PTPRD: variants seen among roughly 807,000 people sequenced by gnomAD.
PTPRD encodes the protein protein tyrosine phosphatase receptor type D, also known as receptor-type tyrosine-protein phosphatase delta.
Under a neutral mutation model 214.5 loss-of-function variants are expected in PTPRD, and 34 were observed. That is an observed-to-expected ratio of 0.16 (90% CI 0.12 to 0.21). PTPRD has a LOEUF of 0.21. Among genes scored for constraint, PTPRD ranks in the 10% least tolerant of loss-of-function variants. The pLI is 1.00. For missense variants in PTPRD, 2,545 were observed against 2,398.7 expected (o/e 1.06, Z -1.27); for synonymous variants, 1,128 against 845.7 (o/e 1.33, Z -5.79).
rs1960301004 is a variant in PTPRD at position 9,313,369 on chromosome 9, T to C, written c.-203+84080A>G. ...AAACTTTATTAGTTTGTGGTACAATTGTACCTGAAAAACAGATAATTATCT... is the reference window on the plus strand; with the variant it reads ...AAACTTTATTAGTTTGTGGTACAATCGTACCTGAAAAACAGATAATTATCT... On this transcript the variant is annotated intron_variant, in intron 9 of 45. Coordinates refer to ENST00000381196, the MANE Select transcript of PTPRD (RefSeq NM_002839.4). Among the ~76,000 whole-genome samples the C allele has an allele frequency of 3.3e-5, 5 of 152,156 alleles. No individual in the cohort carries two copies. In the South Asian group the frequency reaches 1.0e-3, roughly 32 times the overall value.
chr9:9,350,991 T>C (rs2050879053), intron 9 of PTPRD, among the ~76,000 whole-genome samples: 2 of 152,056 alleles, frequency 1.3e-5, no homozygotes, highest in Non-Finnish European at 2.9e-5. Flanking sequence ...CATTTTAGAT[T>C]GCTAAAGAAT....
At chr9:8,870,578 C>G (rs1055144263) in intron 11 of PTPRD, among the ~76,000 whole-genome samples, 4 of 152,062 alleles carry the variant, frequency 2.6e-5, no homozygotes, top group Non-Finnish European at 5.9e-5. Flanking sequence ...TCCAACTATT[C>G]TGGTTACAGT....
intron 10 of PTPRD, among the ~76,000 whole-genome samples, chr9:9,134,994 G>T (rs1368992499): frequency 2.0e-5 from 3 of 152,112 alleles, no homozygotes; most frequent in Non-Finnish European, 4.4e-5. Context: ...CCCTTTCTGT[G>T]CAATGACACA....
At chr9:9,364,802 G>C (rs1257909626) in intron 9 of PTPRD, among the ~76,000 whole-genome samples, 1 of 151,442 alleles carries the variant, frequency 6.6e-6, no homozygotes, top group African/African-American at 2.4e-5. Context: ...GGAGTGATGT[G>C]ACCTGACTTC....
At chr9:10,475,433 A>AGG (rs1166788184) in intron 2 of PTPRD, among the ~76,000 whole-genome samples, 1 of 150,844 alleles carries the variant, frequency 6.6e-6, no homozygotes, top group Non-Finnish European at 1.5e-5. Context: ...AAGACTAAAC[A>AGG]AAGAAGTCGA....
chr9:8,611,286 T>A (rs2095435927), intron 14 of PTPRD, among the ~76,000 whole-genome samples: 1 of 152,304 alleles, frequency 6.6e-6, no homozygotes, highest in East Asian at 1.9e-4. Flanking sequence ...TTTTTAACTA[T>A]CACAAATATT....
At chr9:9,956,593 T>C (rs558805140) in intron 4 of PTPRD, among the ~76,000 whole-genome samples, 6 of 152,266 alleles carry the variant, frequency 3.9e-5, no homozygotes, top group Non-Finnish European at 7.4e-5. Flanking sequence ...TTGTCACACA[T>C]TTAATCTAGT....
chr9:9,506,138 G>C (rs769733521), intron 8 of PTPRD, among the ~76,000 whole-genome samples: 11 of 151,396 alleles, frequency 7.3e-5, no homozygotes, highest in Non-Finnish European at 1.3e-4. Context: ...AAGCTGGTTT[G>C]AATACATTTC....
chr9:9,385,577 C>G (rs2063622974), intron 9 of PTPRD, among the ~76,000 whole-genome samples: 1 of 152,076 alleles, frequency 6.6e-6, no homozygotes, highest in Non-Finnish European at 1.5e-5. Flanking sequence ...ATCCATAAAC[C>G]TTCTAGCTAC....
At chr9:8,386,557 G>A (rs903698035) in intron 37 of PTPRD, among the ~76,000 whole-genome samples, 7 of 152,128 alleles carry the variant, frequency 4.6e-5, no homozygotes, top group East Asian at 1.9e-4. Flanking sequence ...CTCCCTTTAT[G>A]AGGAAGACTG....
intron 7 of PTPRD, among the ~76,000 whole-genome samples, chr9:9,580,375 T>A (rs2090360147): frequency 6.6e-6 from 1 of 152,044 alleles, no homozygotes; most frequent in Admixed American, 6.6e-5. Flanking sequence ...AACACTTTTT[T>A]GTCTTTTTGT....
intron 12 of PTPRD, 64 bp downstream of exon 12, chr9:8,733,716 G>A (rs1343479856): frequency 2.0e-6 from 3 of 1,505,948 alleles, no homozygotes; most frequent in East Asian, 2.5e-5. Context: ...TGAGCCTGGT[G>A]CCAACTGCAA....
At chr9:8,728,426 G>A (rs2098611559) in intron 12 of PTPRD, among the ~76,000 whole-genome samples, 1 of 152,156 alleles carries the variant, frequency 6.6e-6, no homozygotes, top group African/African-American at 2.4e-5. Flanking sequence ...TTGAACTCCT[G>A]TCCTCAAATG....
At chr9:10,464,984 A>G (rs1254412403) in intron 2 of PTPRD, among the ~76,000 whole-genome samples, 2 of 152,224 alleles carry the variant, frequency 1.3e-5, no homozygotes, top group African/African-American at 4.8e-5. Context: ...AAACAAGGCT[A>G]TGAATCACAA....
At chr9:8,756,615 T>C (rs2094005854) in intron 11 of PTPRD, among the ~76,000 whole-genome samples, 2 of 152,158 alleles carry the variant, frequency 1.3e-5, no homozygotes, top group African/African-American at 2.4e-5. Flanking sequence ...TCTAACGTTG[T>C]TAGGGAATTA....
chr9:10,258,788 C>T (rs1461382671), intron 3 of PTPRD, among the ~76,000 whole-genome samples: 1 of 152,008 alleles, frequency 6.6e-6, no homozygotes, highest in African/African-American at 2.4e-5. Flanking sequence ...TAAGGAAAAA[C>T]AAGTGGTTAA....
chr9:9,986,201 A>T (rs2095705051), intron 4 of PTPRD, among the ~76,000 whole-genome samples: 2 of 152,172 alleles, frequency 1.3e-5, no homozygotes, highest in South Asian at 4.1e-4. Flanking sequence ...ACGCTCCAGA[A>T]TGCCGAAAGT....
At chr9:9,906,131 G>A (rs2077510501) in intron 5 of PTPRD, among the ~76,000 whole-genome samples, 1 of 151,944 alleles carries the variant, frequency 6.6e-6, no homozygotes, top group South Asian at 2.1e-4. Flanking sequence ...AGTTATTCAA[G>A]TAATCTAGTC....
intron 8 of PTPRD, among the ~76,000 whole-genome samples, chr9:9,544,905 G>T (rs146823755): frequency 6.6e-6 from 1 of 151,740 alleles, no homozygotes; most frequent in Admixed American, 6.6e-5. Context: ...TTCTAGTTGG[G>T]ATGGGTTTCT....
Sources: allele counts gnomAD v4.1 joint callset (sites outside exome capture counted in the v4.1 genomes callset), GRCh38; gene constraint gnomAD v4.1.1; transcripts MANE v1.5; gene names NCBI Gene and HGNC (gene_info 2026-07-23, HGNC 2026-07-21).